GSE1: variants seen among roughly 807,000 people sequenced by gnomAD.
The protein encoded by GSE1 is genetic suppressor element 1.
Under a neutral mutation model 112.6 loss-of-function variants are expected in GSE1, and 32 were observed. The ratio of observed to expected loss-of-function variants is 0.28; its 90% confidence interval spans 0.21 to 0.38. The LOEUF is 0.38. Among genes scored for constraint, GSE1 ranks in the 10% least tolerant of loss-of-function variants. The pLI, the probability that GSE1 is intolerant of heterozygous loss-of-function variation, is 1.00. For missense variants in GSE1, 2,348 were observed against 1,699.2 expected, an observed-to-expected ratio of 1.38 and a Z score of -6.71; for synonymous variants, 1,115 against 735.6, an observed-to-expected ratio of 1.52 and a Z score of -8.35.
chr16:85,277,622 A>AC, intron 1 of GSE1, among the ~76,000 whole-genome samples: 1 of 152,032 alleles, frequency 6.6e-6, no homozygotes, highest in South Asian at 2.1e-4. Flanking sequence ...CCCAACTTCC[A>AC]CCCCACCTGG....
intron 2 of GSE1, among the ~76,000 whole-genome samples, chr16:85,361,334 CA>C (rs1306437894): frequency 2.0e-5 from 3 of 146,560 alleles, no homozygotes; most frequent in Admixed American, 6.8e-5. Flanking sequence ...CACAAACACA[CA>C]CACACACACA....
chr16:85,207,295 G>T (rs1462267802), intron 1 of GSE1, among the ~76,000 whole-genome samples: 2 of 152,214 alleles, frequency 1.3e-5, no homozygotes, highest in African/African-American at 4.8e-5. Context: ...TGCGGGCCAG[G>T]CTCCTGGATT....
intron 2 of GSE1, among the ~76,000 whole-genome samples, chr16:85,381,677 C>T (rs1471778498): frequency 1.3e-5 from 2 of 152,240 alleles, no homozygotes; most frequent in Admixed American, 6.5e-5. Context: ...CTGGCTTTCA[C>T]TAGTCAGTGT....
chr16:85,399,648 CAT>C (rs1597603925), intron 2 of GSE1, among the ~76,000 whole-genome samples: 1 of 152,334 alleles, frequency 6.6e-6, no homozygotes, highest in African/African-American at 2.4e-5. Flanking sequence ...GTCCTCAGCA[CAT>C]GTTTATTGAG....
intron 2 of GSE1, among the ~76,000 whole-genome samples, chr16:85,362,924 C>T (rs780051312): frequency 1.1e-4 from 17 of 150,774 alleles, no homozygotes; most frequent in Non-Finnish European, 2.2e-4. Context: ...CAAACTCTGC[C>T]TCCCAGGCTC....
chr16:85,532,565 C>T lies in GSE1; in HGVS notation c.2465-101349C>T, dbSNP rs540530541. 8.4e-4 allele frequency among the ~76,000 whole-genome samples: 128 copies of T among 152,270 alleles called. 2 individuals carry two copies. Among genetic ancestry groups the T allele is most frequent in the South Asian group, 6.2e-3 (30 of 4,820 alleles). ...GTGTGAACCACCACGTCTGGCCTAGCGCTGGGGACCCCTCCTTCCTGATTA... is the reference window on the plus strand; with the variant it reads ...GTGTGAACCACCACGTCTGGCCTAGTGCTGGGGACCCCTCCTTCCTGATTA... On this transcript the variant is annotated intron_variant, in intron 2 of 2. Transcript: ENST00000637419.
At chr16:85,414,906 G>A (rs1198906455) in intron 2 of GSE1, among the ~76,000 whole-genome samples, 4 of 152,202 alleles carry the variant, frequency 2.6e-5, no homozygotes, top group Admixed American at 2.6e-4. Flanking sequence ...AAAGTGCTGG[G>A]ATCACAGGCA....
rs114714620 is a variant in GSE1, at chr16:85,506,895, C to A, written c.2465-127019C>A. 1.7e-3 allele frequency among the ~76,000 whole-genome samples: 263 copies of A among 152,254 alleles called. 1 individual carries two copies. Among genetic ancestry groups the A allele is most frequent in the African/African-American group, 5.8e-3 (241 of 41,542 alleles). ...AACCCAGCAATCGCTCAGCCACCCT[C>A]CCCTGTTGAGCCAGGGAGGCCCCGA... On this transcript the variant is annotated intron_variant, in intron 2 of 2. Transcript: ENST00000637419.
At chr16:85,594,729 G>A (rs961913817) in intron 1 of GSE1, 7 of 152,386 alleles carry the variant, frequency 4.6e-5, no homozygotes, top group African/African-American at 1.7e-4. Context: ...CCTATTAGGA[G>A]GATCAAAGGA....
chr16:85,259,149 A>T (rs1030446763), intron 1 of GSE1, among the ~76,000 whole-genome samples: 1 of 152,140 alleles, frequency 6.6e-6, no homozygotes, highest in Non-Finnish European at 1.5e-5. Context: ...CGTCTGTGGA[A>T]GGGAGAAGTA....
chr16:85,483,964 G>A (rs1281749083), intron 2 of GSE1, among the ~76,000 whole-genome samples: 1 of 152,154 alleles, frequency 6.6e-6, no homozygotes, highest in Non-Finnish European at 1.5e-5. Flanking sequence ...CCTAAGCGTT[G>A]GAGGAAACCT....
chr16:85,603,150 A>G (rs1373445381), intron 1 of GSE1, among the ~76,000 whole-genome samples: 1 of 152,376 alleles, frequency 6.6e-6, no homozygotes, highest in East Asian at 1.9e-4. Context: ...TTTCCCCTGC[A>G]TGGGAGAATT....
chr16:85,297,840 C>A (rs966970991), intron 1 of GSE1, among the ~76,000 whole-genome samples: 1 of 152,136 alleles, frequency 6.6e-6, no homozygotes, highest in African/African-American at 2.4e-5. Flanking sequence ...ATTTCCTTGT[C>A]TCCCTCTGTT....
intron 1 of GSE1, among the ~76,000 whole-genome samples, chr16:85,292,580 G>GC (rs1481969934): frequency 6.6e-6 from 1 of 151,770 alleles, no homozygotes; most frequent in Admixed American, 6.6e-5. Flanking sequence ...ACCTGCCTCG[G>GC]CCCCCCAAAG....
intron 13 of GSE1, 137 bp from the exon 14 acceptor site, chr16:85,668,003 T>G: frequency 1.5e-6 from 1 of 679,144 alleles, no homozygotes; most frequent in Non-Finnish European, 2.5e-6. Context: ...CCCTCCTCTC[T>G]ACGCGATGTC....
chr16:85,434,893 C>T (rs988506634), intron 2 of GSE1, among the ~76,000 whole-genome samples: 8 of 152,210 alleles, frequency 5.3e-5, no homozygotes, highest in African/African-American at 1.4e-4. Flanking sequence ...TCTGCTGCCC[C>T]GTCCTACTGG....
chr16:85,252,956 G>C (rs533652007), intron 1 of GSE1, among the ~76,000 whole-genome samples: 292 of 152,102 alleles, frequency 1.9e-3, no homozygotes, highest in African/African-American at 6.5e-3. Flanking sequence ...AGGTGGAAGG[G>C]AAGTGGAAGC....
In GSE1 at chr16:85,661,575, G is replaced by A; in HGVS notation, c.2070G>A (p.Arg690=). ...KSTQTILGQQ[R]ASLPQAATFG... is the part of the protein sequence containing the mutation. ...CCCAGACCATCCTGGGCCAGCAGCG[G>A]GCCTCCCTCCCACAGGCGGCCACCT... Residue 690 remains arginine (R), a synonymous_variant, in exon 9 of 16, where the codon CGG becomes CGA. Transcript: ENST00000253458. 1 of 1,610,788 alleles carries A rather than the reference G, an allele frequency of 6.2e-7. No homozygotes were observed. Among genetic ancestry groups the A allele is most frequent in the East Asian group, 2.2e-5 (1 of 44,796 alleles).
intron 2 of GSE1, among the ~76,000 whole-genome samples, chr16:85,524,386 T>A (rs1160628183): frequency 6.6e-6 from 1 of 151,998 alleles, no homozygotes; most frequent in East Asian, 1.9e-4. Context: ...TATCTAGTAA[T>A]GGGGCTGCCT....
Sources: allele counts gnomAD v4.1 joint callset (sites outside exome capture counted in the v4.1 genomes callset), GRCh38; gene constraint gnomAD v4.1.1; transcripts MANE v1.5; gene names NCBI Gene and HGNC (gene_info 2026-07-23, HGNC 2026-07-21).